The following TRMT61A variants were observed in gnomAD, a reference collection of about 807,000 sequenced individuals.
TRMT61A encodes the protein tRNA (adenine(58)-N(1))-methyltransferase catalytic subunit TRMT61A.
Under a neutral mutation model 21.3 loss-of-function variants are expected in TRMT61A, and 15 were observed. That is an observed-to-expected ratio of 0.70 (90% CI 0.47 to 1.08). The LOEUF is 1.08. Among genes scored for constraint, TRMT61A ranks in the 50% least tolerant of loss-of-function variants. The pLI is 0.00. For missense variants in TRMT61A, 352 were observed against 426.7 expected (o/e 0.83, Z 1.54); for synonymous variants, 183 against 185.5 (o/e 0.99, Z 0.11).
At position 103,532,626 on chromosome 14, in the gene TRMT61A, G is replaced by A. The variant is rs748480452; in HGVS notation, c.376G>A (p.Ala126Thr). 1.2e-6 allele frequency: 2 copies of A among 1,613,430 alleles called. No homozygotes were observed. The highest frequency in any genetic ancestry group is 1.1e-5 in the South Asian group (1 of 91,090). ...GTCCCACGCCATCATCCGCACCATTGCACCCACGGGTCACCTGCACACGGT... is the reference window on the plus strand; with the variant it reads ...GTCCCACGCCATCATCCGCACCATTACACCCACGGGTCACCTGCACACGGT... ...SVSHAIIRTI[A>T]PTGHLHTVEF... The change falls in exon 3 of 4, where the codon GCA (alanine) becomes ACA (threonine). Residue 126 changes from alanine (A) to threonine (T), a missense_variant. Coordinates refer to ENST00000389749, the MANE Select transcript of TRMT61A (RefSeq NM_152307.3).
chr14:103,530,192 A>G lies in TRMT61A; in HGVS notation c.214A>G (p.Thr72Ala). The change falls in exon 2 of 4, where the codon ACG becomes GCG. Residue 72 changes from threonine to alanine, a missense_variant. Coordinates refer to ENST00000389749, the MANE Select transcript of TRMT61A (RefSeq NM_152307.3). ...TGGCTGGGTGTATGTGCTGCACCCC[A>G]CGCCCGAGCTCTGGACGCTGAACCT... ...RGGWVYVLHP[T>A]PELWTLNLPH... 1 of 1,612,456 alleles carries G rather than the reference A, an allele frequency of 6.2e-7. No homozygotes were observed. The highest frequency in any genetic ancestry group is 8.5e-7 in the Non-Finnish European group (1 of 1,179,662).
In TRMT61A at chr14:103,532,725, G is replaced by T; in HGVS notation, c.475G>T (p.Val159Leu). 1 of 1,610,986 alleles carries T rather than the reference G, an allele frequency of 6.2e-7. No individual in the cohort carries two copies. The highest frequency in any genetic ancestry group is 8.5e-7 in the Non-Finnish European group (1 of 1,179,010). ...GCACCGTGTGGGCCGCTGGGTGACT[G>T]TGCGCACCCAGGACGTGTGCCGCAG... The part of the protein sequence containing the change: ...QEHRVGRWVT[V>L]RTQDVCRSGF... Residue 159 changes from valine to leucine, a missense_variant, in exon 3 of 4, where the codon GTG becomes TTG. Coordinates refer to ENST00000389749, the MANE Select transcript of TRMT61A (RefSeq NM_152307.3).
Position 103,534,865 on chromosome 14 carries a change from G to A in TRMT61A, c.*44G>A. ...ACCAGGGAGCTGGGAGCACTGAAGG[G>A]CTGGGCAGGGAGGCCAGAGGCACCT... On this transcript the variant is annotated 3_prime_UTR_variant, in exon 4 of 4. Transcript: ENST00000389749. 4 of 1,529,852 alleles carry A rather than the reference G, an allele frequency of 2.6e-6. No homozygotes were observed. Among genetic ancestry groups the A allele is most frequent in the East Asian group, 2.4e-5 (1 of 41,058 alleles). 94.8% of individuals were successfully genotyped at this position (1,529,852 alleles called of 1,614,324 possible). A position where few individuals can be genotyped will look rare whatever the true frequency, so the allele number is the denominator to read the frequency against.
chr14:103,532,025 G>T (rs2075956170), intron 2 of TRMT61A, among the ~76,000 whole-genome samples: 1 of 151,744 alleles, frequency 6.6e-6, no homozygotes, highest in Admixed American at 6.6e-5. Context: ...ACCAGGCCAG[G>T]GCAGAGCCCC....
In TRMT61A at chr14:103,530,876, G is replaced by A. The variant is rs145176274; in HGVS notation, c.331+567G>A. Among the ~76,000 whole-genome samples the A allele has an allele frequency of 9.1e-4, 139 of 152,354 alleles. 5 individuals are homozygous for A. The East Asian group carries it at 0.023, about 25-fold the overall frequency. The stretch of plus-strand genomic sequence containing the variant: ...ATTGAAGCCAAGATTGGCCCCAGGC[G>A]CTGATGCATCTAGGTTGTTGGTGGC... On this transcript the variant is annotated intron_variant, in intron 2 of 3. Transcript: ENST00000389749.
rs760901356 is a variant in TRMT61A at position 103,534,627 on chromosome 14, T to C, written c.676T>C (p.Ser226Pro). The C allele has an allele frequency of 9.3e-6, 15 of 1,609,598 alleles. No homozygotes were observed. Among genetic ancestry groups the C allele is most frequent in the Non-Finnish European group, 1.3e-5 (15 of 1,177,918 alleles). Reference sequence around the variant, plus strand: ...CCAGGCGCTGGCAGCGCGCGGCTTCTCAGAGCTGAGCACCCTGGAGGTGCT... The same window carrying C: ...CCAGGCGCTGGCAGCGCGCGGCTTCCCAGAGCTGAGCACCCTGGAGGTGCT... ...TCQALAARGF[S>P]ELSTLEVLPQ... Residue 226 changes from serine (S) to proline (P), a missense_variant, in exon 4 of 4, where the codon TCA becomes CCA. Coordinates refer to ENST00000389749, the MANE Select transcript of TRMT61A (RefSeq NM_152307.3).
chr14:103,531,764 G>A lies in TRMT61A; in HGVS notation c.332-818G>A, dbSNP rs1269024715. ...TCAGCGCTATTTGGGTTCCAGGCAT[G>A]GGTGGCAAGTGTGCAGTGGCTGCTC... On this transcript the variant is annotated intron_variant, in intron 2 of 3. Coordinates refer to ENST00000389749, the MANE Select transcript of TRMT61A (RefSeq NM_152307.3). The surrounding 1 kb of genome is among the most constrained non-coding windows in gnomAD (Gnocchi z 5.1). Among the ~76,000 whole-genome samples, 1 of 152,178 alleles carries A rather than the reference G, an allele frequency of 6.6e-6. No homozygotes were observed. Among genetic ancestry groups the A allele is most frequent in the African/African-American group, 2.4e-5 (1 of 41,438 alleles).
rs757333824 is a variant in TRMT61A at position 103,535,174 on chromosome 14, G to C, written c.*353G>C. On this transcript the variant is annotated 3_prime_UTR_variant, in exon 4 of 4. Transcript: ENST00000389749. ...GCCTAAGCAGGAAGGGGGTGGAGGA[G>C]GGAGGGGGGCATTGACCCTGAGACC... is the stretch of plus-strand genomic sequence containing the variant. 4 of 552,472 alleles carry C rather than the reference G, an allele frequency of 7.2e-6. No homozygotes were observed. Among genetic ancestry groups the C allele is most frequent in the Non-Finnish European group, 1.0e-5 (3 of 288,404 alleles). The allele number at this position is 552,472 out of a possible 1,614,324, so 34.2% of individuals were successfully genotyped here.
At chr14:103,533,684 G>A (rs1050798730) in intron 3 of TRMT61A, among the ~76,000 whole-genome samples, 3 of 152,206 alleles carry the variant, frequency 2.0e-5, no homozygotes, top group African/African-American at 4.8e-5. Flanking sequence ...CGGGGAACCC[G>A]CGCCTGCCTC....
At position 103,531,469 on chromosome 14, in the gene TRMT61A, G is replaced by A. The variant is rs951634790; in HGVS notation, c.332-1113G>A. ...GGAGCATGCTGCCGAGTCAGGCTCAGTGGGGGAGGCAGAGGGGCTGGGAGT... is the reference window on the plus strand; with the variant it reads ...GGAGCATGCTGCCGAGTCAGGCTCAATGGGGGAGGCAGAGGGGCTGGGAGT... On this transcript the variant is annotated intron_variant, in intron 2 of 3. Transcript: ENST00000389749. This position sits in a 1 kb window ranked among gnomAD's most constrained non-coding sequence, Gnocchi z 5.1. Among the ~76,000 whole-genome samples the A allele has an allele frequency of 2.8e-4, 42 of 152,160 alleles. No individual in the cohort carries two copies. The highest frequency in any genetic ancestry group is 2.9e-5 in the Non-Finnish European group (2 of 68,042).
Position 103,535,510 on chromosome 14 carries a change from C to T in TRMT61A, c.*689C>T, listed in dbSNP as rs79958358. On this transcript the variant is annotated 3_prime_UTR_variant, in exon 4 of 4. Coordinates refer to ENST00000389749, the MANE Select transcript of TRMT61A (RefSeq NM_152307.3). ...CAGAGCCCCTGACATGGGCTGCACTCGCTGAGGCCAGGCAGCGCTGCGGAG... is the reference window on the plus strand; with the variant it reads ...CAGAGCCCCTGACATGGGCTGCACTTGCTGAGGCCAGGCAGCGCTGCGGAG... 5,206 of 362,110 alleles carry T rather than the reference C, an allele frequency of 0.014. 412 individuals are homozygous for T. The East Asian group carries it at 0.23, about 16-fold the overall frequency. The allele number at this position is 362,110 out of a possible 1,614,324, so 22.4% of individuals were successfully genotyped here.
rs547574684 is a variant in TRMT61A, at chr14:103,536,247, C to G, written c.*1426C>G. On this transcript the variant is annotated 3_prime_UTR_variant, in exon 4 of 4. Transcript: ENST00000389749. ...CACTCCTTCCTGGGGTTGGGGTGGT[C>G]CAGGAGTGCTGGGCCTTCTTCCACA... is the stretch of plus-strand genomic sequence containing the variant. The G allele has an allele frequency of 5.2e-5, 8 of 152,538 alleles. No individual in the cohort carries two copies. The highest frequency in any genetic ancestry group is 1.3e-4 in the Admixed American group (2 of 15,308). The allele number at this position is 152,538 out of a possible 1,614,324, so 9.4% of individuals were successfully genotyped here.
intron 2 of TRMT61A, among the ~76,000 whole-genome samples, chr14:103,530,948 G>T (rs1473016728): frequency 2.6e-5 from 4 of 152,226 alleles, no homozygotes; most frequent in Non-Finnish European, 5.9e-5. Context: ...CACGAAGAGT[G>T]CCTAGCACTG....
intron 3 of TRMT61A, among the ~76,000 whole-genome samples, chr14:103,533,378 A>G (rs537666050): frequency 9.9e-4 from 151 of 152,260 alleles, no homozygotes; most frequent in African/African-American, 3.5e-3. Flanking sequence ...GTATTCTGAG[A>G]GGGTTGAAGG....
rs1211087049 is a variant in TRMT61A, at chr14:103,531,579, G to A, written c.332-1003G>A. ...TGGGAAGGGGGCATGGCCAGGCTTTGCAGAGGGGCGAGGCAGCAGGCTGGG... is the reference window on the plus strand; with the variant it reads ...TGGGAAGGGGGCATGGCCAGGCTTTACAGAGGGGCGAGGCAGCAGGCTGGG... On this transcript the variant is annotated intron_variant, in intron 2 of 3. Transcript: ENST00000389749. This position sits in a 1 kb window ranked among gnomAD's most constrained non-coding sequence, Gnocchi z 5.1. Among the ~76,000 whole-genome samples the A allele has an allele frequency of 1.3e-5, 2 of 152,154 alleles. No homozygotes were observed. The highest frequency in any genetic ancestry group is 2.9e-5 in the Non-Finnish European group (2 of 67,994).
chr14:103,536,455 CCT>C lies in TRMT61A; in HGVS notation c.*1638_*1639del, dbSNP rs1236856989. ...GCTCAGCCCTGCTCCGAGGGCTTGTCCTCTCCTTCCAGGACCCAGCTTCCCTT... is the reference window on the plus strand; with the variant it reads ...GCTCAGCCCTGCTCCGAGGGCTTGTCCTCCTTCCAGGACCCAGCTTCCCTT... On this transcript the variant is annotated 3_prime_UTR_variant, in exon 4 of 4. Transcript: ENST00000389749. The C allele has an allele frequency of 3.9e-5, 6 of 152,364 alleles. No homozygotes were observed. The highest frequency in any genetic ancestry group is 5.9e-5 in the Non-Finnish European group (4 of 68,076). 9.4% of individuals were successfully genotyped at this position (152,364 alleles called of 1,614,324 possible). A position where few individuals can be genotyped will look rare whatever the true frequency, so the allele number is the denominator to read the frequency against.
intron 1 of TRMT61A, 146 bp from the exon 2 acceptor site, chr14:103,529,804 G>A: frequency 1.6e-6 from 1 of 627,560 alleles, no homozygotes; most frequent in Non-Finnish European, 2.7e-6. Context: ...TGGGCTCCCT[G>A]TCAGGCAGTG....
chr14:103,534,901 G>T lies in TRMT61A; in HGVS notation c.*80G>T. On this transcript the variant is annotated 3_prime_UTR_variant, in exon 4 of 4. Transcript: ENST00000389749. ...AGGCCAGAGGCACCTTATATGGTCA[G>T]CGATGCCTGCCAGACACAGACGGTG... 1 of 1,510,376 alleles carries T rather than the reference G, an allele frequency of 6.6e-7. No homozygotes were observed. The highest frequency in any genetic ancestry group is 8.9e-7 in the Non-Finnish European group (1 of 1,124,714). The allele number at this position is 1,510,376 out of a possible 1,614,324, so 93.6% of individuals were successfully genotyped here.
At position 103,530,029 on chromosome 14, in the gene TRMT61A, C is replaced by G; in HGVS notation, c.51C>G (p.Ile17Met). 1.2e-6 allele frequency: 2 copies of G among 1,612,768 alleles called. No individual in the cohort carries two copies. Among genetic ancestry groups the G allele is most frequent in the Non-Finnish European group, 8.5e-7 (1 of 1,179,772 alleles). The change falls in exon 2 of 4, where the codon ATC becomes ATG. Residue 17 changes from isoleucine (I) to methionine (M), a missense_variant. Transcript: ENST00000389749. ...TGATCAAGGAGGGTGACACGGCCAT[C>G]CTGTCACTGGGCCATGGTGCAATGG... ...EELIKEGDTA[I>M]LSLGHGAMVA...
Sources: allele counts gnomAD v4.1 joint callset (sites outside exome capture counted in the v4.1 genomes callset), GRCh38; gene constraint gnomAD v4.1.1; non-coding constraint Gnocchi (gnomAD v3.1); transcripts MANE v1.5; gene names NCBI Gene and HGNC (gene_info 2026-07-23, HGNC 2026-07-21).